The following SERPINE3 variants were observed in gnomAD, a reference collection of about 807,000 sequenced individuals.
SERPINE3 encodes the protein serpin E3.
In SERPINE3, 43 loss-of-function variants were observed where a neutral mutation model predicts 41.7. The ratio of observed to expected loss-of-function variants is 1.03; its 90% CI spans 0.81 to 1.33. SERPINE3 has a LOEUF of 1.33. Ranked by LOEUF, SERPINE3 falls within the 40% of genes most tolerant of loss-of-function variation. The pLI is 0.00. For missense variants in SERPINE3, 440 were observed against 491.7 expected, an observed-to-expected ratio of 0.89 and a Z score of 0.99; for synonymous variants, 200 against 192.2, an observed-to-expected ratio of 1.04 and a Z score of -0.34.
At chr13:51,349,954 T>C (rs922060588) in intron 6 of SERPINE3, among the ~76,000 whole-genome samples, 2 of 152,158 alleles carry the variant, frequency 1.3e-5, no homozygotes, top group Non-Finnish European at 1.5e-5. Flanking sequence ...TTTAAATCCT[T>C]TGGGGAACAA....
intron 7 of SERPINE3, 77 bp from the exon 8 acceptor site, chr13:51,361,201 T>C: frequency 1.1e-6 from 1 of 951,578 alleles, no homozygotes; most frequent in Non-Finnish European, 1.7e-6. Context: ...TGTAAGTACA[T>C]TTTTAAAGAA....
chr13:51,344,930 A>G (rs781453247), intron 4 of SERPINE3, among the ~76,000 whole-genome samples: 42 of 152,218 alleles, frequency 2.8e-4, no homozygotes, highest in Non-Finnish European at 5.0e-4. Flanking sequence ...AGAAAAAGTT[A>G]CACACAATAA....
chr13:51,344,410 C>T lies in SERPINE3; in HGVS notation c.415C>T (p.Leu139=), dbSNP rs938694292. The part of the protein sequence containing the change: ...EHVSWWANSS[L]EPADLSEPNS... ...CGTCTCCTGGTGGGCTAACAGCAGC[C>T]TGGAACCAGCCGACCTCAGTGAGCC... is the stretch of plus-strand genomic sequence containing the variant. The change falls in exon 4 of 10, where the codon CTG becomes TTG. Residue 139 remains leucine (L), a synonymous_variant. Transcript: ENST00000681248. The T allele has an allele frequency of 1.1e-5, 18 of 1,611,058 alleles. No homozygotes were observed. Among genetic ancestry groups the T allele is most frequent in the Admixed American group, 8.4e-5 (5 of 59,632 alleles).
At chr13:51,359,343 T>C (rs1955526209) in intron 7 of SERPINE3, among the ~76,000 whole-genome samples, 1 of 152,158 alleles carries the variant, frequency 6.6e-6, no homozygotes, top group South Asian at 2.1e-4. Context: ...TTCTCATTTT[T>C]ATCGCATATG....
intron 2 of SERPINE3, 88 bp downstream of exon 2, chr13:51,340,949 G>T (rs948046410): frequency 4.7e-6 from 4 of 857,370 alleles, no homozygotes; most frequent in Non-Finnish European, 7.2e-6. Context: ...ACAGCTCAAT[G>T]CATCTCTCCC....
At chr13:51,347,397 G>A (rs1016694259) in intron 5 of SERPINE3, among the ~76,000 whole-genome samples, 163 bp downstream of exon 5, 2 of 152,158 alleles carry the variant, frequency 1.3e-5, no homozygotes, top group African/African-American at 2.4e-5. Context: ...TAAGGTGCCC[G>A]GAGACTTTAG....
rs775122890 is a variant in SERPINE3, at chr13:51,347,253, G to T, written c.700+19G>T. ...AACTACGGTGAGCTCTGCCCCTGCT[G>T]GTTTGTCTAAAGGGAGAGGAAGCCT... On this transcript the variant is annotated intron_variant, in intron 5 of 9. Transcript: ENST00000681248. 5 of 1,609,456 alleles carry T rather than the reference G, an allele frequency of 3.1e-6. No homozygotes were observed. The highest frequency in any genetic ancestry group is 4.2e-6 in the Non-Finnish European group (5 of 1,176,994).
chr13:51,362,920 C>T (rs1480417645), intron 9 of SERPINE3: 1 of 152,194 alleles, frequency 6.6e-6, no homozygotes, highest in Non-Finnish European at 1.5e-5. Context: ...CAGAGTATGT[C>T]TTCCTAGTAT....
At chr13:51,349,662 GC>G (rs1955386300) in intron 6 of SERPINE3, among the ~76,000 whole-genome samples, 1 of 152,178 alleles carries the variant, frequency 6.6e-6, no homozygotes, top group Non-Finnish European at 1.5e-5. Context: ...GAAATTCCCA[GC>G]TCCACTGAGA....
chr13:51,350,504 G>T (rs1233410058), intron 6 of SERPINE3, among the ~76,000 whole-genome samples: 1 of 152,074 alleles, frequency 6.6e-6, no homozygotes, highest in Non-Finnish European at 1.5e-5. Context: ...TTTGATATTA[G>T]ATATAATATA....
chr13:51,355,824 TG>T (rs1438388215), intron 7 of SERPINE3, among the ~76,000 whole-genome samples: 1 of 152,204 alleles, frequency 6.6e-6, no homozygotes, highest in Non-Finnish European at 1.5e-5. Context: ...GCTAAACTAT[TG>T]CCAACTCAAA....
At chr13:51,351,411 A>G (rs1313558467) in intron 6 of SERPINE3, among the ~76,000 whole-genome samples, 1 of 152,140 alleles carries the variant, frequency 6.6e-6, no homozygotes, top group East Asian at 1.9e-4. Flanking sequence ...GAGGTAGAGC[A>G]TCTTTTCATG....
chr13:51,364,249 C>T lies in SERPINE3; in HGVS notation c.1182C>T (p.Phe394=). The part of the protein sequence containing the change: ...FLREPNTGFV[F]SIGRVSNPLD Reference sequence around the variant, plus strand: ...TCTTTTTCTTGACAGGGTTTGTCTTCAGTATTGGGAGAGTTTCAAATCCCC... The same window carrying T: ...TCTTTTTCTTGACAGGGTTTGTCTTTAGTATTGGGAGAGTTTCAAATCCCC... Residue 394 remains phenylalanine (F), a synonymous_variant, in exon 10 of 10, where the codon TTC becomes TTT. Coordinates refer to ENST00000681248, the MANE Select transcript of SERPINE3 (RefSeq NM_001386375.1). The T allele has an allele frequency of 6.9e-7, 1 of 1,458,248 alleles. No individual in the cohort carries two copies. Among genetic ancestry groups the T allele is most frequent in the South Asian group, 1.3e-5 (1 of 78,260 alleles). The allele number at this position is 1,458,248 out of a possible 1,614,324, so 90.3% of individuals were successfully genotyped here.
At chr13:51,352,781 T>C (rs1022449740) in intron 6 of SERPINE3, among the ~76,000 whole-genome samples, 2 of 152,110 alleles carry the variant, frequency 1.3e-5, no homozygotes, top group African/African-American at 4.8e-5. Flanking sequence ...GTTTGTTGTA[T>C]GTTTGATGTT....
rs1313675435 is a variant in SERPINE3 at position 51,361,282 on chromosome 13, A to G, written c.1005A>G (p.Gln335=). 1.2e-6 allele frequency: 2 copies of G among 1,607,000 alleles called. No homozygotes were observed. Among genetic ancestry groups the G allele is most frequent in the Non-Finnish European group, 8.5e-7 (1 of 1,175,476 alleles). ...TTTATCATTTTCTGTGGTTAGGCCA[A>G]GATGGCTTTTATGTTTCTGAAGCAA... ...LKANLKGISG[Q]DGFYVSEAIH... is the part of the protein sequence containing the mutation. Residue 335 remains glutamine (Q), a synonymous_variant, in exon 8 of 10, where the codon CAA becomes CAG. Transcript: ENST00000681248.
In SERPINE3 at chr13:51,341,217, C is replaced by T. The variant is rs151231633; in HGVS notation, c.126C>T (p.Ala42=). 9.9e-5 allele frequency: 159 copies of T among 1,614,016 alleles called. No homozygotes were observed. In the East Asian group the frequency reaches 1.5e-3, roughly 15 times the overall value. ...EFALHLYQSV[A]ACRNETNFVI... is the part of the protein sequence containing the mutation. ...CACTTCACCTCTACCAGAGTGTGGC[C>T]GCGTGTAGAAATGAGACGAACTTTG... Residue 42 remains alanine, a synonymous_variant, in exon 3 of 10, where the codon GCC becomes GCT. Transcript: ENST00000681248.
rs369127620 is a variant in SERPINE3, at chr13:51,350,253, T to C, written c.899+1842T>C. On this transcript the variant is annotated intron_variant, in intron 6 of 9. Coordinates refer to ENST00000681248, the MANE Select transcript of SERPINE3 (RefSeq NM_001386375.1). ...TAGATTCTGGACGAATTATGGTGTC[T>C]AGCTTCCAAAGTAACCTTTTATTTA... Among the ~76,000 whole-genome samples the C allele has an allele frequency of 2.0e-5, 3 of 152,302 alleles. No individual in the cohort carries two copies. The East Asian group carries it at 5.8e-4, about 29-fold the overall frequency.
chr13:51,358,160 T>C (rs999111068), intron 7 of SERPINE3, among the ~76,000 whole-genome samples: 1 of 152,084 alleles, frequency 6.6e-6, no homozygotes, highest in African/African-American at 2.4e-5. Context: ...TGCTATGTGT[T>C]TCTCTCTCTA....
intron 6 of SERPINE3, among the ~76,000 whole-genome samples, chr13:51,349,514 G>C (rs1955384911): frequency 6.6e-6 from 1 of 152,216 alleles, no homozygotes; most frequent in African/African-American, 2.4e-5. Context: ...CTCAGCAAGG[G>C]AAGGAAGAGC....
Sources: gnomAD v4.1 joint callset for allele counts (sites outside exome capture counted in the v4.1 genomes callset) on GRCh38, gnomAD v4.1.1 for gene constraint, MANE v1.5 for transcripts, NCBI Gene and HGNC (gene_info 2026-07-23, HGNC 2026-07-21) for gene names.